The following CSMD1 variants were observed in gnomAD, a reference collection of about 807,000 sequenced individuals.
The protein encoded by CSMD1 is CUB and sushi domain-containing protein 1.
In CSMD1, 213 loss-of-function variants were observed where a neutral mutation model predicts 417.5. The observed-to-expected ratio is 0.51, with a 90% CI of 0.46 to 0.57. The LOEUF is 0.57. Ranked by LOEUF, CSMD1 falls within the 20% of genes least tolerant of loss-of-function variation. CSMD1 has a pLI of 0.00. For missense variants in CSMD1, 6,923 were observed against 4,529.7 expected (o/e 1.53, Z -15.17); for synonymous variants, 2,862 against 1,736.8 (o/e 1.65, Z -16.11).
rs907686179 is a variant in CSMD1 at position 4,658,848 on chromosome 8, A to C, written c.86-21290T>G. Among the ~76,000 whole-genome samples the C allele has an allele frequency of 2.6e-5, 4 of 152,176 alleles. No individual in the cohort carries two copies. In the East Asian group the frequency reaches 7.7e-4, roughly 29 times the overall value. ...GAGGATATAATATGTTCCTATGTGA[A>C]CATGGTCTGGGGTTGGGAGTCTAGA... On this transcript the variant is annotated intron_variant, in intron 1 of 69. Transcript: ENST00000635120.
chr8:3,473,906 C>T (rs1817252466), intron 11 of CSMD1, among the ~76,000 whole-genome samples: 1 of 152,012 alleles, frequency 6.6e-6, no homozygotes, highest in African/African-American at 2.4e-5. Context: ...GAAAGGGAAG[C>T]AAGGCACGTC....
chr8:4,376,109 G>T (rs546702860), intron 3 of CSMD1, among the ~76,000 whole-genome samples: 4 of 152,310 alleles, frequency 2.6e-5, no homozygotes, highest in Non-Finnish European at 4.4e-5. Flanking sequence ...GTAGGACTCA[G>T]CTTATCAAAA....
intron 5 of CSMD1, among the ~76,000 whole-genome samples, chr8:3,854,782 G>C (rs1048343244): frequency 6.6e-6 from 1 of 151,896 alleles, no homozygotes. Flanking sequence ...AAGAAGTGGT[G>C]ATCAAAATTC....
intron 5 of CSMD1, among the ~76,000 whole-genome samples, chr8:3,834,398 C>G (rs1038759763): frequency 6.6e-6 from 1 of 151,990 alleles, no homozygotes; most frequent in African/African-American, 2.4e-5. Context: ...TGTGCCTGCA[C>G]AGTAAAACCC....
intron 65 of CSMD1, among the ~76,000 whole-genome samples, chr8:2,952,713 T>G (rs898655178): frequency 6.6e-6 from 1 of 152,220 alleles, no homozygotes; most frequent in Non-Finnish European, 1.5e-5. Context: ...AGAATTTATA[T>G]GCTCTTCTGA....
chr8:3,916,583 T>A (rs898349115), intron 5 of CSMD1, among the ~76,000 whole-genome samples: 2 of 152,196 alleles, frequency 1.3e-5, no homozygotes. Context: ...ATGAACATTA[T>A]GTAGGTGACA....
intron 1 of CSMD1, among the ~76,000 whole-genome samples, chr8:4,933,616 C>A (rs895212247): frequency 6.6e-6 from 1 of 152,064 alleles, no homozygotes; most frequent in African/African-American, 2.4e-5. Context: ...AGTGCAGACC[C>A]CACAACCACA....
At chr8:4,840,493 G>A (rs1800780121) in intron 1 of CSMD1, among the ~76,000 whole-genome samples, 1 of 152,178 alleles carries the variant, frequency 6.6e-6, no homozygotes, top group Admixed American at 6.5e-5. Flanking sequence ...TTTATTCGAT[G>A]AAGTAAATTA....
chr8:4,452,505 T>G (rs1409992915), intron 2 of CSMD1, among the ~76,000 whole-genome samples: 1 of 152,204 alleles, frequency 6.6e-6, no homozygotes, highest in African/African-American at 2.4e-5. Flanking sequence ...AACTACAGCT[T>G]TAATTTTAGT....
In CSMD1 at chr8:3,575,043, G is replaced by A; in HGVS notation, c.1246C>T (p.Arg416Cys). The change falls in exon 10 of 70, where the codon CGT becomes TGT. Residue 416 changes from arginine to cysteine, a missense_variant. Coordinates refer to ENST00000635120, the MANE Select transcript of CSMD1 (RefSeq NM_033225.6). ...GAGGTAATGACGCCGCTGGGCCCAC[G>A]CAGATTGGATCCACATGTTCTCGCT... ...CRARTCGSNL[R>C]GPSGVITSPN... 1 of 1,613,326 alleles carries A rather than the reference G, an allele frequency of 6.2e-7. No homozygotes were observed. Among genetic ancestry groups the A allele is most frequent in the South Asian group, 1.1e-5 (1 of 91,046 alleles).
intron 2 of CSMD1, among the ~76,000 whole-genome samples, chr8:4,518,964 T>C (rs1325086651): frequency 6.6e-6 from 1 of 152,104 alleles, no homozygotes; most frequent in African/African-American, 2.4e-5. Context: ...CCTTTTTTAA[T>C]TGCAAAGAGA....
intron 1 of CSMD1, among the ~76,000 whole-genome samples, chr8:4,795,863 G>A (rs1325669240): frequency 6.6e-6 from 1 of 152,072 alleles, no homozygotes; most frequent in African/African-American, 2.4e-5. Context: ...GCTATAAATG[G>A]AACCATGAGG....
At chr8:4,169,289 G>T (rs936072963) in intron 3 of CSMD1, among the ~76,000 whole-genome samples, 3 of 152,128 alleles carry the variant, frequency 2.0e-5, no homozygotes, top group Non-Finnish European at 2.9e-5. Flanking sequence ...GAGCTCAAAA[G>T]GCAACTCCTG....
Position 2,965,941 on chromosome 8 carries a change from C to G in CSMD1, c.9114G>C (p.Gly3038=). The G allele has an allele frequency of 1.2e-6, 2 of 1,605,198 alleles. No homozygotes were observed. Among genetic ancestry groups the G allele is most frequent in the Non-Finnish European group, 1.7e-6 (2 of 1,175,692 alleles). Residue 3038 remains glycine (G), a synonymous_variant, in exon 59 of 70, where the codon GGG becomes GGC. Transcript: ENST00000635120. Reference sequence around the variant, plus strand: ...TGCCATTTGCTAGTGTGCCTGGATCCCCACAACTTATAACTAATAAACAGG... The same window carrying G: ...TGCCATTTGCTAGTGTGCCTGGATCGCCACAACTTATAACTAATAAACAGG... The part of the protein sequence containing the change: ...TAPDCTIISC[G]DPGTLANGIQ...
chr8:3,722,684 C>A (rs17067148), intron 6 of CSMD1, among the ~76,000 whole-genome samples: 2,491 of 152,212 alleles, frequency 0.016, 54 homozygotes, highest in African/African-American at 0.044. Context: ...GGTAAATTGC[C>A]CTAGGATCAA....
At chr8:3,410,405 C>G (rs190992452) in intron 12 of CSMD1, among the ~76,000 whole-genome samples, 1 of 152,134 alleles carries the variant, frequency 6.6e-6, no homozygotes, top group African/African-American at 2.4e-5. Context: ...TTTTGAATCC[C>G]ACGTGTTGTG....
At chr8:4,596,650 T>C (rs1486166494) in intron 2 of CSMD1, among the ~76,000 whole-genome samples, 4 of 152,208 alleles carry the variant, frequency 2.6e-5, no homozygotes, top group Non-Finnish European at 2.9e-5. Flanking sequence ...GTTATTTCCT[T>C]TTAATAGTAC....
chr8:3,439,853 G>T (rs1220351851), intron 12 of CSMD1, among the ~76,000 whole-genome samples: 1 of 152,114 alleles, frequency 6.6e-6, no homozygotes, highest in Admixed American at 6.5e-5. Flanking sequence ...GATTCACATG[G>T]AGGCACATTT....
At chr8:4,756,403 G>A (rs972341826) in intron 1 of CSMD1, among the ~76,000 whole-genome samples, 3 of 152,126 alleles carry the variant, frequency 2.0e-5, no homozygotes, top group Non-Finnish European at 2.9e-5. Flanking sequence ...CGACCAAGTT[G>A]AAGAACAGTG....
Sources: gnomAD v4.1 joint callset for allele counts (sites outside exome capture counted in the v4.1 genomes callset) on GRCh38, gnomAD v4.1.1 for gene constraint, MANE v1.5 for transcripts, NCBI Gene and HGNC (gene_info 2026-07-23, HGNC 2026-07-21) for gene names.